Variants in LARP7 observed in about 807,000 individuals in gnomAD.
LARP7 encodes La ribonucleoprotein 7, transcriptional regulator.
Under a neutral mutation model 69.3 loss-of-function variants are expected in LARP7, and 52 were observed. That is an observed-to-expected ratio of 0.75 (90% CI 0.60 to 0.95). The LOEUF is 0.95. Among genes scored for constraint, LARP7 ranks in the 40% least tolerant of loss-of-function variants. The probability of loss-of-function intolerance (pLI) is 0.00; values close to 1 mark genes in which losing one functional copy is unlikely to be tolerated. For synonymous variants in LARP7, 254 were observed against 215.9 expected, an observed-to-expected ratio of 1.18 and a Z score of -1.55; for missense variants, 733 against 673.0, an observed-to-expected ratio of 1.09 and a Z score of -0.99.
chr4:112,648,607 G>A (rs1180918736), intron 8 of LARP7: 1 of 454,254 alleles, frequency 2.2e-6, no homozygotes, highest in Non-Finnish European at 4.7e-6. Flanking sequence ...GAGCTGAGGA[G>A]AAAGAAAACA....
In LARP7 at chr4:112,644,796, G is replaced by C. The variant is rs1294001569; in HGVS notation, c.127G>C (p.Asp43His). 6.2e-7 allele frequency: 1 copy of C among 1,609,708 alleles called. No homozygotes were observed. Among genetic ancestry groups the C allele is most frequent in the Non-Finnish European group, 8.5e-7 (1 of 1,177,270 alleles). ...GCTTGCAGATATTGCTAAGCAAGTG[G>C]ACTTCTGGTTTGGGGATGCAAATCT... Reference protein sequence around the residue: ...QVLADIAKQVDFWFGDANLHK... With the variant: ...QVLADIAKQVHFWFGDANLHK... The change falls in exon 2 of 13, where the codon GAC (aspartate) becomes CAC (histidine). Residue 43 changes from aspartate (D) to histidine (H), a missense_variant. By Grantham distance (81) the Asp-to-His change is moderately conservative. Transcript: ENST00000344442.
intron 7 of LARP7, 61 bp downstream of exon 7, chr4:112,647,610 T>TAATTAGTTTTTAATC: frequency 6.8e-7 from 1 of 1,468,524 alleles, no homozygotes; most frequent in Non-Finnish European, 9.1e-7. Context: ...AGTTTTTAAT[T>TAATTAGTTTTTAATC]AATTAGGTTT....
Position 112,646,591 on chromosome 4 carries a change from G to T in LARP7, c.307G>T (p.Asp103Tyr). ...AATGTAATATACTATTTTAAAGCTT[G>T]ATTTGGAAGGCACCAGAATCCGGAG... is the stretch of plus-strand genomic sequence containing the variant. ...ALRSSAVVEL[D>Y]LEGTRIRRKK... Residue 103 changes from aspartate (D) to tyrosine (Y), a missense_variant, in exon 4 of 13, where the codon GAT becomes TAT. Coordinates refer to ENST00000344442, the MANE Select transcript of LARP7 (RefSeq NM_016648.4). 3.8e-6 allele frequency: 6 copies of T among 1,573,884 alleles called. No individual in the cohort carries two copies. The highest frequency in any genetic ancestry group is 1.2e-5 in the South Asian group (1 of 85,322).
chr4:112,646,872 C>A lies in LARP7; in HGVS notation c.469C>A (p.Pro157Thr). The A allele has an allele frequency of 6.2e-7, 1 of 1,607,962 alleles. No individual in the cohort carries two copies. The highest frequency in any genetic ancestry group is 8.5e-7 in the Non-Finnish European group (1 of 1,178,530). ...TGGCAATGTTGTTTATATAAGTATA[C>A]CACATTATAAGTCTACTGGAGATCC... ...KCGNVVYISI[P>T]HYKSTGDPKG... The change falls in exon 5 of 13, where the codon CCA (proline) becomes ACA (threonine). Residue 157 changes from proline to threonine, a missense_variant. Pro to Thr is a conservative substitution (Grantham distance 38, BLOSUM62 -1). Transcript: ENST00000344442.
chr4:112,650,014 T>C (rs928424271), intron 9 of LARP7: 12 of 196,756 alleles, frequency 6.1e-5, no homozygotes, highest in African/African-American at 2.4e-4. Context: ...TTCTGTAGTA[T>C]GCACCACAAG....
chr4:112,649,157 T>A (rs966541084), intron 8 of LARP7, among the ~76,000 whole-genome samples: 27 of 152,174 alleles, frequency 1.8e-4, no homozygotes, highest in African/African-American at 6.0e-4. Flanking sequence ...TACTAAGGAA[T>A]GTTATCTCTC....
At chr4:112,652,391 A>G (rs2048786170) in intron 10 of LARP7, among the ~76,000 whole-genome samples, 1 of 148,628 alleles carries the variant, frequency 6.7e-6, no homozygotes, top group Admixed American at 6.9e-5. Flanking sequence ...GCATAAATGC[A>G]TTGTATACTC....
intron 8 of LARP7, chr4:112,648,573 C>A (rs750581183): frequency 3.9e-6 from 2 of 510,854 alleles, no homozygotes; most frequent in South Asian, 2.9e-5. Context: ...CAACATACAA[C>A]TTCTTTGGAC....
In LARP7 at chr4:112,650,423, A is replaced by G. The variant is rs752881806; in HGVS notation, c.1295-38A>G. On this transcript the variant is annotated intron_variant, in intron 9 of 12. Transcript: ENST00000344442. ...TAAGTATTAAATTGTTGTTAAGTGT[A>G]AGAGATTTAGTCCTGGTCTTTTTCC... is the stretch of plus-strand genomic sequence containing the variant. 5.6e-6 allele frequency: 9 copies of G among 1,608,348 alleles called. No individual in the cohort carries two copies. The Middle Eastern group carries it at 5.0e-4, about 89-fold the overall frequency.
intron 11 of LARP7, among the ~76,000 whole-genome samples, chr4:112,653,783 C>T (rs1286254786): frequency 6.6e-6 from 1 of 152,158 alleles, no homozygotes; most frequent in East Asian, 1.9e-4. Flanking sequence ...GCCACTGCAC[C>T]AGGCAATTTT....
At chr4:112,640,193 C>T (rs1246274791) in intron 1 of LARP7, among the ~76,000 whole-genome samples, 1 of 152,150 alleles carries the variant, frequency 6.6e-6, no homozygotes, top group African/African-American at 2.4e-5. Flanking sequence ...CCTGGCTCGG[C>T]CTCCCAAAGT....
At chr4:112,638,899 C>T (rs901007057) in intron 1 of LARP7, among the ~76,000 whole-genome samples, 1 of 152,048 alleles carries the variant, frequency 6.6e-6, no homozygotes, top group Non-Finnish European at 1.5e-5. Flanking sequence ...TTAATGGAGC[C>T]CACTAGAATT....
In LARP7 at chr4:112,647,537, A is replaced by C; in HGVS notation, c.985A>C (p.Lys329Gln). Residue 329 changes from lysine (K) to glutamine (Q), a missense_variant, in exon 7 of 13, where the codon AAG (lysine) becomes CAG (glutamine). Coordinates refer to ENST00000344442, the MANE Select transcript of LARP7 (RefSeq NM_016648.4). ...CATTAAGGAAGCATCAGAAGCTTCC[A>C]AGGAAAATAGAGGTAAAACTACAAG... ...DIIKEASEAS[K>Q]ENRDIEISTE... is the part of the protein sequence containing the mutation. The C allele has an allele frequency of 2.5e-6, 4 of 1,601,782 alleles. No homozygotes were observed. Among genetic ancestry groups the C allele is most frequent in the Non-Finnish European group, 3.4e-6 (4 of 1,175,320 alleles).
At chr4:112,637,626 TATC>T (rs1279032938) in intron 1 of LARP7, 4 of 152,360 alleles carry the variant, frequency 2.6e-5, no homozygotes, top group African/African-American at 2.4e-5. Context: ...ATTCTAAAAT[TATC>T]ATCTTCTTTT....
chr4:112,648,536 C>A (rs183105707), intron 8 of LARP7: 19 of 530,964 alleles, frequency 3.6e-5, no homozygotes, highest in Non-Finnish European at 7.0e-5. Flanking sequence ...GAAAGCACTT[C>A]CATGTTAAAG....
Position 112,647,518 on chromosome 4 carries a change from G to A in LARP7, c.966G>A (p.Lys322=), listed in dbSNP as rs772240434. 2.5e-6 allele frequency: 4 copies of A among 1,611,460 alleles called. No individual in the cohort carries two copies. Among genetic ancestry groups the A allele is most frequent in the Admixed American group, 1.7e-5 (1 of 59,618 alleles). The change falls in exon 7 of 13, where the codon AAG becomes AAA. Residue 322 remains lysine, a synonymous_variant. Transcript: ENST00000344442. Reference sequence around the variant, plus strand: ...AAATTATTCAGAAAGACATCATTAAGGAAGCATCAGAAGCTTCCAAGGAAA... The same window carrying A: ...AAATTATTCAGAAAGACATCATTAAAGAAGCATCAGAAGCTTCCAAGGAAA... The part of the protein sequence containing the change: ...VKKIIQKDII[K]EASEASKENR...
intron 10 of LARP7, among the ~76,000 whole-genome samples, chr4:112,651,491 C>CAA (rs1448271092): frequency 1.3e-5 from 2 of 152,168 alleles, no homozygotes; most frequent in Non-Finnish European, 2.9e-5. Flanking sequence ...GTAAATACTG[C>CAA]TCTGATTAAT....
intron 2 of LARP7, chr4:112,645,561 A>C (rs1325021984): frequency 2.2e-6 from 1 of 456,186 alleles, no homozygotes; most frequent in Non-Finnish European, 4.4e-6. Flanking sequence ...GCAGGAATGC[A>C]CTGGCTCCAT....
intron 1 of LARP7, among the ~76,000 whole-genome samples, chr4:112,641,753 G>A (rs2047973884): frequency 6.6e-6 from 1 of 152,180 alleles, no homozygotes; most frequent in Non-Finnish European, 1.5e-5. Flanking sequence ...AAAATTGGTG[G>A]GAGGGGATTG....
Sources: gnomAD v4.1 joint callset for allele counts (sites outside exome capture counted in the v4.1 genomes callset) on GRCh38, gnomAD v4.1.1 for gene constraint, MANE v1.5 for transcripts, NCBI Gene and HGNC (gene_info 2026-07-23, HGNC 2026-07-21) for gene names.